PRKX: variants seen among roughly 807,000 people sequenced by gnomAD.
PRKX encodes cAMP-dependent protein kinase catalytic subunit PRKX.
A neutral mutation model predicts 22.0 loss-of-function variants in PRKX; 12 were observed. That is an observed-to-expected ratio of 0.54 (90% confidence interval 0.35 to 0.88). The LOEUF is 0.88. Among genes scored for constraint, PRKX ranks in the 40% least tolerant of loss-of-function variants. The pLI is 0.01. For missense variants in PRKX, 217 were observed against 308.0 expected, an observed-to-expected ratio of 0.70 and a Z score of 2.21; for synonymous variants, 134 against 137.7, an observed-to-expected ratio of 0.97 and a Z score of 0.19.
chrX:3,712,965 G>T, intron 1 of PRKX, 123 bp downstream of exon 1: 1 of 847,084 alleles, frequency 1.2e-6, no homozygotes, highest in Non-Finnish European at 1.5e-6. Context: ...CGGGGACTCC[G>T]AGCCGAAGTA....
intron 2 of PRKX, among the ~76,000 whole-genome samples, chrX:3,669,412 C>T (rs1781153171): frequency 8.9e-6 from 1 of 112,044 alleles, no homozygotes; most frequent in South Asian, 3.7e-4. Context: ...CTTTTTGTCC[C>T]CCCATAGGGG....
At chrX:3,701,703 C>T (rs1330774697) in intron 1 of PRKX, among the ~76,000 whole-genome samples, 3 of 111,383 alleles carry the variant, frequency 2.7e-5, no homozygotes, top group African/African-American at 9.8e-5. Flanking sequence ...GATAGGAGGT[C>T]AGCACAAGAT....
intron 3 of PRKX, among the ~76,000 whole-genome samples, chrX:3,649,940 G>C (rs1305590193): frequency 9.1e-6 from 1 of 109,628 alleles, no homozygotes; most frequent in Non-Finnish European, 1.9e-5. Flanking sequence ...AGGAGTTCAA[G>C]ACCAGCCCTG....
chrX:3,709,620 G>C (rs1312516024), intron 1 of PRKX, among the ~76,000 whole-genome samples: 2 of 111,049 alleles, frequency 1.8e-5, no homozygotes, highest in Non-Finnish European at 3.8e-5. Flanking sequence ...GATTCCATAA[G>C]GACACTTCTG....
At position 3,650,444 on chromosome X, in the gene PRKX, C is replaced by T. The variant is rs758577290; in HGVS notation, c.599+4705G>A. ...GCTGAGGCAGGAGAATGGCGTGAACCCGGGAGGCAGAGCTTGCAGTGAGCC... is the reference window on the plus strand; with the variant it reads ...GCTGAGGCAGGAGAATGGCGTGAACTCGGGAGGCAGAGCTTGCAGTGAGCC... On this transcript the variant is annotated intron_variant, in intron 3 of 8. Transcript: ENST00000262848. 3.1e-5 allele frequency among the ~76,000 whole-genome samples: 3 copies of T among 96,054 alleles called. No homozygotes were observed. In the South Asian group the frequency reaches 1.7e-3, roughly 53 times the overall value. The allele number at this position is 96,054 out of a possible 115,157, so 83.4% of individuals were successfully genotyped here.
intron 5 of PRKX, among the ~76,000 whole-genome samples, chrX:3,625,032 C>T (rs1341430668): frequency 9.0e-6 from 1 of 111,375 alleles, no homozygotes; most frequent in Non-Finnish European, 1.9e-5. Context: ...TTTCTATTTC[C>T]TTCCAGAGCA....
chrX:3,708,563 T>TA (rs138886792), intron 1 of PRKX, among the ~76,000 whole-genome samples: 44 of 102,112 alleles, frequency 4.3e-4, no homozygotes, highest in South Asian at 4.3e-4. Context: ...TGTGAAAGTT[T>TA]AAAAAAAAAA....
At chrX:3,695,331 C>T (rs1158116964) in intron 1 of PRKX, among the ~76,000 whole-genome samples, 1 of 112,269 alleles carries the variant, frequency 8.9e-6, no homozygotes, top group East Asian at 2.8e-4. Flanking sequence ...AATATCCTCT[C>T]CAACTCTTCA....
chrX:3,620,686 CTG>C (rs1430638887), intron 6 of PRKX, among the ~76,000 whole-genome samples: 2 of 112,370 alleles, frequency 1.8e-5, no homozygotes, highest in African/African-American at 6.5e-5. Context: ...TGTGGAAAAA[CTG>C]TCTTCCACAA....
At chrX:3,687,735 G>A (rs1047606151) in intron 1 of PRKX, among the ~76,000 whole-genome samples, 2 of 108,882 alleles carry the variant, frequency 1.8e-5, no homozygotes, top group African/African-American at 6.6e-5. Context: ...GGTGAGGGTG[G>A]ATGAGCCCTA....
chrX:3,693,560 G>T (rs1928376635), intron 1 of PRKX, among the ~76,000 whole-genome samples: 3 of 110,732 alleles, frequency 2.7e-5, no homozygotes, highest in Admixed American at 1.9e-4. Context: ...TGAGATTGAG[G>T]GATAGACTAG....
intron 3 of PRKX, among the ~76,000 whole-genome samples, chrX:3,651,939 CA>C (rs1192553755): frequency 9.0e-6 from 1 of 111,403 alleles, no homozygotes; most frequent in Non-Finnish European, 1.9e-5. Flanking sequence ...GTGTAGTTAC[CA>C]AAAATCTTTC....
intron 4 of PRKX, among the ~76,000 whole-genome samples, chrX:3,635,398 C>A (rs1156908279): frequency 9.0e-6 from 1 of 111,301 alleles, no homozygotes; most frequent in African/African-American, 3.3e-5. Context: ...CTATTCAGAT[C>A]TGTCATTGGA....
rs1488857128 is a variant in PRKX, at chrX:3,606,313, G to GT, written c.*2655dup. ...ATCATCCATGCGGACATTTCGCACC[G>GT]TGATTGTTTCGTGATCGTCCATGCG... On this transcript the variant is annotated 3_prime_UTR_variant, in exon 9 of 9. Coordinates refer to ENST00000262848, the MANE Select transcript of PRKX (RefSeq NM_005044.5). 1 of 112,629 alleles carries GT rather than the reference G, an allele frequency of 8.9e-6. No homozygotes were observed. The highest frequency in any genetic ancestry group is 1.9e-5 in the Non-Finnish European group (1 of 53,350). The allele number at this position is 112,629 out of a possible 1,213,427, so 9.3% of individuals were successfully genotyped here. A position where few individuals can be genotyped will look rare whatever the true frequency, so the allele number is the denominator to read the frequency against.
chrX:3,698,970 T>C (rs887099330), intron 1 of PRKX, among the ~76,000 whole-genome samples: 8 of 104,725 alleles, frequency 7.6e-5, no homozygotes, highest in African/African-American at 2.9e-4. Flanking sequence ...CAAAATTCTT[T>C]TTTTTTTTTT....
chrX:3,707,704 C>T (rs1425851714), intron 1 of PRKX, among the ~76,000 whole-genome samples: 3 of 110,814 alleles, frequency 2.7e-5, no homozygotes, highest in Admixed American at 1.9e-4. Context: ...GAGGAGAAAC[C>T]GGCAGGACTT....
At chrX:3,687,303 AC>A (rs1234763027) in intron 1 of PRKX, among the ~76,000 whole-genome samples, 1 of 112,314 alleles carries the variant, frequency 8.9e-6, no homozygotes, top group Non-Finnish European at 1.9e-5. Flanking sequence ...CCCAGACTTA[AC>A]TTACTTTTAA....
chrX:3,612,380 G>A, intron 7 of PRKX, 55 bp from the exon 8 acceptor site: 3 of 1,125,492 alleles, frequency 2.7e-6, no homozygotes, highest in Non-Finnish European at 2.4e-6. Context: ...GGGACACTTG[G>A]ATGCTGCACA....
intron 3 of PRKX, among the ~76,000 whole-genome samples, chrX:3,645,632 C>T (rs1013117384): frequency 1.1e-4 from 12 of 112,567 alleles, no homozygotes; most frequent in African/African-American, 2.3e-4. Flanking sequence ...CAATTGTGCA[C>T]GGCAAGATGG....
Sources: gnomAD v4.1 joint callset for allele counts (sites outside exome capture counted in the v4.1 genomes callset) on GRCh38, gnomAD v4.1.1 for gene constraint, MANE v1.5 for transcripts, NCBI Gene and HGNC (gene_info 2026-07-23, HGNC 2026-07-21) for gene names.